Variants in NUP88 observed in about 807,000 individuals in gnomAD.
NUP88 encodes nuclear pore complex protein Nup88.
NUP88 carries 57 observed loss-of-function variants against 93.9 expected under a neutral mutation model. That is an observed-to-expected ratio of 0.61 (90% CI 0.49 to 0.76). The LOEUF (loss-of-function observed/expected upper bound fraction) is 0.76, where lower values mean the gene tolerates loss of function less well. Ranked by LOEUF, NUP88 falls within the 30% of genes least tolerant of loss-of-function variation. The pLI is 0.00. For missense variants in NUP88, 911 were observed against 901.0 expected (o/e 1.01, Z -0.14); for synonymous variants, 346 against 336.8 (o/e 1.03, Z -0.30).
At chr17:5,405,561 C>T (rs1913445965) in intron 5 of NUP88, among the ~76,000 whole-genome samples, 1 of 152,182 alleles carries the variant, frequency 6.6e-6, no homozygotes, top group South Asian at 2.1e-4. Flanking sequence ...CATTCCCGCA[C>T]AGCACAGCAC....
chr17:5,408,661 G>C, intron 5 of NUP88, 72 bp downstream of exon 5: 1 of 1,169,172 alleles, frequency 8.6e-7, no homozygotes, highest in South Asian at 1.6e-5. Context: ...TGGCTCCCAA[G>C]TCCAGCCTCA....
chr17:5,409,322 C>T (rs934416860), intron 4 of NUP88, among the ~76,000 whole-genome samples: 1 of 145,940 alleles, frequency 6.9e-6, no homozygotes. Flanking sequence ...TGCAGTGAGC[C>T]GAGATTGTGC....
chr17:5,418,507 G>A (rs1914341590), intron 1 of NUP88, among the ~76,000 whole-genome samples: 2 of 152,148 alleles, frequency 1.3e-5, no homozygotes, highest in Non-Finnish European at 2.9e-5. Context: ...ACCTGCCTCT[G>A]CCTCCCAGTG....
At chr17:5,400,372 T>C (rs1451914821) in intron 7 of NUP88, among the ~76,000 whole-genome samples, 1 of 151,828 alleles carries the variant, frequency 6.6e-6, no homozygotes, top group Admixed American at 6.6e-5. Flanking sequence ...GGCATGCACC[T>C]GTGATCCCAG....
chr17:5,412,661 C>A (rs927158666), intron 3 of NUP88, among the ~76,000 whole-genome samples: 1 of 152,150 alleles, frequency 6.6e-6, no homozygotes, highest in African/African-American at 2.4e-5. Flanking sequence ...ACCCCACCCC[C>A]CCACATACAC....
chr17:5,417,990 A>G (rs1914271871), intron 1 of NUP88: 1 of 151,750 alleles, frequency 6.6e-6, no homozygotes, highest in South Asian at 2.1e-4. Flanking sequence ...AAACACAAAA[A>G]TTAGTCGGGC....
chr17:5,394,249 G>A (rs1161360423), intron 9 of NUP88, among the ~76,000 whole-genome samples: 1 of 152,170 alleles, frequency 6.6e-6, no homozygotes, highest in Non-Finnish European at 1.5e-5. Flanking sequence ...CAAGGAAAGA[G>A]TTGTGAGCAT....
chr17:5,386,249 A>T lies in NUP88; in HGVS notation c.2183T>A (p.Met728Lys), dbSNP rs780562018. The T allele has an allele frequency of 1.9e-6, 3 of 1,612,736 alleles. No homozygotes were observed. The African/African-American group carries it at 4.0e-5, about 22-fold the overall frequency. Residue 728 changes from methionine to lysine, a missense_variant, in exon 17 of 17, where the codon ATG (methionine) becomes AAG (lysine). By Grantham distance (95) the Met-to-Lys change is moderately conservative (BLOSUM62 -1). Coordinates refer to ENST00000573584, the MANE Select transcript of NUP88 (RefSeq NM_002532.6). ...GCGGATATCATTGATTTGCTTCACCATTTCCCTTATATGTTCACCCCTGTA... is the reference window on the plus strand; with the variant it reads ...GCGGATATCATTGATTTGCTTCACCTTTTCCCTTATATGTTCACCCCTGTA... ...LKEEGEHIREMVKQINDIRNH... is the reference protein window; with the variant it reads ...LKEEGEHIREKVKQINDIRNH...
chr17:5,404,258 A>C lies in NUP88; in HGVS notation c.1045-12T>G. On this transcript the variant is annotated splice_polypyrimidine_tract_variant and intron_variant, in intron 6 of 16. Transcript: ENST00000573584. ...CAGGACTTTTCTGACTGTAAAAAAA[A>C]GTGTTGTAATTTTGATCTTGCATGT... 7 of 1,610,336 alleles carry C rather than the reference A, an allele frequency of 4.3e-6. No homozygotes were observed. Among genetic ancestry groups the C allele is most frequent in the Non-Finnish European group, 5.9e-6 (7 of 1,178,498 alleles).
chr17:5,408,425 C>T (rs1913623186), intron 5 of NUP88, among the ~76,000 whole-genome samples: 1 of 152,172 alleles, frequency 6.6e-6, no homozygotes, highest in Non-Finnish European at 1.5e-5. Flanking sequence ...ATTACCACGC[C>T]TACGTGGTGT....
At chr17:5,415,043 G>T (rs1175659066) in intron 2 of NUP88, among the ~76,000 whole-genome samples, 1 of 150,632 alleles carries the variant, frequency 6.6e-6, no homozygotes, top group Non-Finnish European at 1.5e-5. Flanking sequence ...TATTTGAGAT[G>T]AAGTCTCACT....
chr17:5,403,577 T>C (rs1244825796), intron 7 of NUP88, among the ~76,000 whole-genome samples: 1 of 152,100 alleles, frequency 6.6e-6, no homozygotes. Context: ...AAATAATCGC[T>C]TGAACCTGGG....
At chr17:5,406,626 C>T (rs2151643502) in intron 5 of NUP88, among the ~76,000 whole-genome samples, 1 of 86,124 alleles carries the variant, frequency 1.2e-5, no homozygotes, top group South Asian at 5.6e-4. Context: ...GCAGATGATG[C>T]AGTTCTGAAG....
chr17:5,411,591 A>AAAAAAACCAAAC (rs1913847021), intron 3 of NUP88, among the ~76,000 whole-genome samples: 1 of 151,928 alleles, frequency 6.6e-6, no homozygotes, highest in Non-Finnish European at 1.5e-5. Context: ...AAAAAAAAAA[A>AAAAAAACCAAAC]AAAAAACCAA....
At position 5,386,228 on chromosome 17, in the gene NUP88, A is replaced by G. The variant is rs1319281121; in HGVS notation, c.2204T>C (p.Ile735Thr). The change falls in exon 17 of 17, where the codon ATC becomes ACC. Residue 735 changes from isoleucine to threonine, a missense_variant. By Grantham distance (89) the Ile-to-Thr change is moderately conservative. Coordinates refer to ENST00000573584, the MANE Select transcript of NUP88 (RefSeq NM_002532.6). The stretch of plus-strand genomic sequence containing the variant: ...GTGTCAGAAGTTTACATGATTGCGG[A>G]TATCATTGATTTGCTTCACCATTTC... Reference protein sequence around the residue: ...IREMVKQINDIRNHVNF With the variant: ...IREMVKQINDTRNHVNF 1 of 1,613,512 alleles carries G rather than the reference A, an allele frequency of 6.2e-7. No individual in the cohort carries two copies. Among genetic ancestry groups the G allele is most frequent in the Non-Finnish European group, 8.5e-7 (1 of 1,179,792 alleles).
chr17:5,387,038 TTTC>T lies in NUP88; in HGVS notation c.1986_1988del (p.Lys663del). On this transcript the variant is annotated inframe_deletion, in exon 15 of 17. Transcript: ENST00000573584. ...GTTGATCAGGTATCAGCTGTAATTC[TTTC>T]TTCATGTCTCGCTCACTATCAGAGA... 5 of 1,614,160 alleles carry T rather than the reference TTTC, an allele frequency of 3.1e-6. No homozygotes were observed. The highest frequency in any genetic ancestry group is 4.2e-6 in the Non-Finnish European group (5 of 1,179,998).
chr17:5,387,556 G>C (rs1377636364), intron 13 of NUP88, 49 bp downstream of exon 13: 3 of 1,594,830 alleles, frequency 1.9e-6, no homozygotes, highest in African/African-American at 1.3e-5. Flanking sequence ...GTGAGAATAT[G>C]GTTCCAGTCT....
In NUP88 at chr17:5,386,077, TA is replaced by T. The variant is rs1196707054; in HGVS notation, c.*128del. On this transcript the variant is annotated 3_prime_UTR_variant, in exon 17 of 17. Transcript: ENST00000573584. ...CTCAATTATTATAAAACAACATATT[TA>T]AAAAGATGAACCACACCAAAGGTCA... 3.0e-6 allele frequency: 2 copies of T among 656,860 alleles called. No homozygotes were observed. The highest frequency in any genetic ancestry group is 1.9e-5 in the African/African-American group (1 of 53,170). The allele number at this position is 656,860 out of a possible 1,614,324, so 40.7% of individuals were successfully genotyped here.
chr17:5,416,159 A>AGTATATATAT (rs1302350232), intron 2 of NUP88, among the ~76,000 whole-genome samples: 146 of 70,904 alleles, frequency 2.1e-3, no homozygotes, highest in East Asian at 5.2e-3. Context: ...AAAAAAAAAA[A>AGTATATATAT]AAAAAAAGTA....
Sources: allele counts gnomAD v4.1 joint callset (sites outside exome capture counted in the v4.1 genomes callset), GRCh38; gene constraint gnomAD v4.1.1; transcripts MANE v1.5; gene names NCBI Gene and HGNC (gene_info 2026-07-23, HGNC 2026-07-21).